ARPP21: variants seen among roughly 807,000 people sequenced by gnomAD.
The protein encoded by ARPP21 is cAMP-regulated phosphoprotein 21.
In ARPP21, 69 loss-of-function variants were observed where a neutral mutation model predicts 113.2. The observed-to-expected ratio is 0.61, with a 90% CI of 0.50 to 0.74. The LOEUF (loss-of-function observed/expected upper bound fraction) is 0.74. Among genes scored for constraint, ARPP21 ranks in the 30% least tolerant of loss-of-function variants. The probability of loss-of-function intolerance (pLI) is 0.00; values close to 1 mark genes in which losing one functional copy is unlikely to be tolerated. For synonymous variants in ARPP21, 368 were observed against 375.5 expected (o/e 0.98, Z 0.23); for missense variants, 1,070 against 1,037.4 (o/e 1.03, Z -0.43).
intron 19 of ARPP21, among the ~76,000 whole-genome samples, chr3:35,746,113 A>G (rs1304735830): frequency 6.6e-6 from 1 of 152,232 alleles, no homozygotes. Context: ...ACACATGCAC[A>G]CTGAGACCTT....
chr3:35,647,165 T>C (rs932240785), intron 1 of ARPP21, among the ~76,000 whole-genome samples: 1 of 152,182 alleles, frequency 6.6e-6, no homozygotes, highest in Non-Finnish European at 1.5e-5. Context: ...GCCAGAACTA[T>C]GGATAACTTA....
chr3:35,706,546 G>C (rs780124724), intron 9 of ARPP21, among the ~76,000 whole-genome samples: 2 of 152,182 alleles, frequency 1.3e-5, no homozygotes, highest in African/African-American at 2.4e-5. Flanking sequence ...TAAAAGGGAA[G>C]ATGTGATAGA....
chr3:35,667,882 A>G (rs983383019), intron 1 of ARPP21, among the ~76,000 whole-genome samples: 7 of 137,424 alleles, frequency 5.1e-5, no homozygotes, highest in Admixed American at 7.3e-5. Context: ...AAGAAGAAGA[A>G]GAAGAAGAGG....
chr3:35,756,047 A>G (rs2151179011), intron 19 of ARPP21, among the ~76,000 whole-genome samples: 1 of 152,210 alleles, frequency 6.6e-6, no homozygotes, highest in Non-Finnish European at 1.5e-5. Context: ...ACGCAAATTC[A>G]GCAAAACCAA....
At chr3:35,755,999 A>G (rs938119040) in intron 19 of ARPP21, among the ~76,000 whole-genome samples, 1 of 152,100 alleles carries the variant, frequency 6.6e-6, no homozygotes, top group Non-Finnish European at 1.5e-5. Flanking sequence ...TCTTCATTCT[A>G]CTGTCTTTAG....
chr3:35,694,872 A>AT (rs796525816), intron 9 of ARPP21, among the ~76,000 whole-genome samples: 60 of 149,466 alleles, frequency 4.0e-4, no homozygotes, highest in African/African-American at 1.4e-3. Context: ...ACAAGATGTG[A>AT]TTTTTTGAAG....
intron 14 of ARPP21, among the ~76,000 whole-genome samples, chr3:35,722,376 C>G (rs893429232): frequency 6.6e-6 from 1 of 152,090 alleles, no homozygotes; most frequent in African/African-American, 2.4e-5. Context: ...CATTCTGTGC[C>G]TCTGTTTTCT....
At chr3:35,724,547 T>C (rs1210785798) in intron 14 of ARPP21, among the ~76,000 whole-genome samples, 1 of 152,184 alleles carries the variant, frequency 6.6e-6, no homozygotes, top group Non-Finnish European at 1.5e-5. Flanking sequence ...GCCTGAGAAT[T>C]TGCATTTCTG....
chr3:35,758,554 C>T (rs947278846), intron 19 of ARPP21, among the ~76,000 whole-genome samples: 5 of 151,476 alleles, frequency 3.3e-5, no homozygotes, highest in South Asian at 2.1e-4. Flanking sequence ...ACAAAGGAGA[C>T]GGTTTCCTTA....
chr3:35,701,843 C>T (rs190479025), intron 9 of ARPP21, among the ~76,000 whole-genome samples: 11 of 150,436 alleles, frequency 7.3e-5, no homozygotes, highest in Non-Finnish European at 1.0e-4. Context: ...AAAGTAGCAG[C>T]GCAGTAGAAC....
chr3:35,729,216 C>A (rs1030828552), intron 14 of ARPP21, 87 bp from the exon 15 acceptor site: 1 of 856,102 alleles, frequency 1.2e-6, no homozygotes, highest in East Asian at 2.5e-5. Flanking sequence ...AATGATGTGT[C>A]GCAGAAAAGT....
intron 9 of ARPP21, among the ~76,000 whole-genome samples, chr3:35,693,654 A>G (rs1050727887): frequency 6.6e-6 from 1 of 151,718 alleles, no homozygotes; most frequent in African/African-American, 2.4e-5. Flanking sequence ...ATTATATTCA[A>G]AACATTCTAT....
chr3:35,694,640 T>C (rs887808963), intron 9 of ARPP21, among the ~76,000 whole-genome samples: 8 of 151,272 alleles, frequency 5.3e-5, no homozygotes, highest in African/African-American at 1.9e-4. Context: ...AATAATCTTA[T>C]TCTCTTAAAG....
chr3:35,703,817 A>G (rs772938281), intron 9 of ARPP21, among the ~76,000 whole-genome samples: 2 of 151,970 alleles, frequency 1.3e-5, no homozygotes, highest in Non-Finnish European at 2.9e-5. Flanking sequence ...ATAAAGGTCT[A>G]CAATACATTA....
intron 19 of ARPP21, chr3:35,785,068 G>A (rs561948873): frequency 1.3e-5 from 2 of 152,166 alleles, no homozygotes; most frequent in African/African-American, 4.8e-5. Flanking sequence ...TCCACCAGGA[G>A]GAATATTATC....
rs145566411 is a variant in ARPP21, at chr3:35,661,216, G to A, written c.-212-18571G>A. Among the ~76,000 whole-genome samples the A allele has an allele frequency of 8.5e-5, 13 of 152,238 alleles. No individual in the cohort carries two copies. In the East Asian group the frequency reaches 2.3e-3, roughly 27 times the overall value. ...TTGACCAATTTAAATACAAATCTCA[G>A]CCTTGTAAAACATCAAATACAGAAT... On this transcript the variant is annotated intron_variant, in intron 1 of 20. Transcript: ENST00000684406.
chr3:35,764,604 G>A (rs886702227), intron 19 of ARPP21, among the ~76,000 whole-genome samples: 3 of 152,120 alleles, frequency 2.0e-5, no homozygotes, highest in South Asian at 2.1e-4. Context: ...TGACACACCT[G>A]CATCCCATAC....
intron 13 of ARPP21, 93 bp downstream of exon 13, chr3:35,717,450 G>T: frequency 1.2e-6 from 1 of 803,560 alleles, no homozygotes; most frequent in Non-Finnish European, 2.1e-6. Context: ...AAATATATCT[G>T]TTCATTTAAA....
chr3:35,685,745 C>T (rs1559612597), intron 5 of ARPP21: 2 of 972,626 alleles, frequency 2.1e-6, no homozygotes, highest in Non-Finnish European at 2.4e-6. Flanking sequence ...ATTTACCTGT[C>T]AGTGTATTAC....
Sources: allele counts gnomAD v4.1 joint callset (sites outside exome capture counted in the v4.1 genomes callset), GRCh38; gene constraint gnomAD v4.1.1; transcripts MANE v1.5; gene names NCBI Gene and HGNC (gene_info 2026-07-23, HGNC 2026-07-21).